PLCB4: variants seen among roughly 807,000 people sequenced by gnomAD.
The protein encoded by PLCB4 is phospholipase C beta 4, also known as 1-phosphatidylinositol 4,5-bisphosphate phosphodiesterase beta-4.
Under a neutral mutation model 178.8 loss-of-function variants are expected in PLCB4, and 77 were observed. That is an observed-to-expected ratio of 0.43 (90% CI 0.36 to 0.52). The LOEUF (loss-of-function observed/expected upper bound fraction) is 0.52, where lower values mean the gene tolerates loss of function less well. Among genes scored for constraint, PLCB4 ranks in the 20% least tolerant of loss-of-function variants. The pLI, the probability that PLCB4 is intolerant of heterozygous loss-of-function variation, is 0.00. For synonymous variants in PLCB4, 496 were observed against 490.8 expected (o/e 1.01, Z -0.14); for missense variants, 1,024 against 1,453.4 (o/e 0.70, Z 4.80).
intron 2 of PLCB4, among the ~76,000 whole-genome samples, chr20:9,187,028 G>A (rs2093338105): frequency 6.6e-6 from 1 of 152,096 alleles, no homozygotes; most frequent in African/African-American, 2.4e-5. Context: ...AGGCTGGAGT[G>A]CAGTGGCGTG....
At chr20:9,361,803 C>T (rs1439521560) in intron 7 of PLCB4, among the ~76,000 whole-genome samples, 1 of 152,202 alleles carries the variant, frequency 6.6e-6, no homozygotes, top group African/African-American at 2.4e-5. Context: ...TGCTGTCCAA[C>T]AGTCCCATCT....
chr20:9,385,432 C>CGGT (rs2037514082), intron 14 of PLCB4, among the ~76,000 whole-genome samples: 1 of 148,130 alleles, frequency 6.8e-6, no homozygotes. Context: ...CCAGACGGGG[C>CGGT]GGCCGGGCAG....
At chr20:9,457,899 A>G (rs1201265179) in intron 34 of PLCB4, among the ~76,000 whole-genome samples, 1 of 152,176 alleles carries the variant, frequency 6.6e-6, no homozygotes, top group African/African-American at 2.4e-5. Flanking sequence ...TTACATGGAA[A>G]TTTGGAATGA....
At chr20:9,459,507 A>G (rs975372856) in intron 34 of PLCB4, 128 bp from the exon 35 acceptor site, 43 of 561,412 alleles carry the variant, frequency 7.7e-5, no homozygotes, top group African/African-American at 1.3e-4. Flanking sequence ...TTTGGTGGTT[A>G]TAGGTGTCTC....
chr20:9,280,536 C>T (rs1194043163), intron 3 of PLCB4: 9 of 794,466 alleles, frequency 1.1e-5, no homozygotes, highest in Non-Finnish European at 1.1e-5. Flanking sequence ...AGTTAGCAAA[C>T]AGGAAAGCAT....
intron 2 of PLCB4, among the ~76,000 whole-genome samples, chr20:9,203,056 A>AAAAAAAAATATATATATATATATATAT (rs769628056): frequency 7.9e-6 from 1 of 126,162 alleles, no homozygotes; most frequent in African/African-American, 3.3e-5. Flanking sequence ...AAAAAAAAAA[A>AAAAAAAAATATATATATATATATATAT]ATATATATAT....
intron 1 of PLCB4, among the ~76,000 whole-genome samples, chr20:9,073,773 AG>A (rs776999489): frequency 6.6e-6 from 1 of 152,140 alleles, no homozygotes; most frequent in African/African-American, 2.4e-5. Context: ...CTGTAATCCT[AG>A]CTACTTGGAA....
chr20:9,344,481 C>A (rs2033591500), intron 7 of PLCB4, among the ~76,000 whole-genome samples: 1 of 152,118 alleles, frequency 6.6e-6, no homozygotes, highest in Non-Finnish European at 1.5e-5. Flanking sequence ...CTGTCAGTGC[C>A]CGACACTTAG....
Position 9,383,285 on chromosome 20 carries a change from A to G in PLCB4, c.854-916A>G, listed in dbSNP as rs180776364. Among the ~76,000 whole-genome samples, 34 of 152,362 alleles carry G rather than the reference A, an allele frequency of 2.2e-4. No homozygotes were observed. In the East Asian group the frequency reaches 6.4e-3, roughly 29 times the overall value. ...GGATGCTGCAGTGGCATCAGAAATT[A>G]TGTATTCTTTTACATGTAAGTCAAA... On this transcript the variant is annotated intron_variant, in intron 13 of 39. Coordinates refer to ENST00000378473, the MANE Select transcript of PLCB4 (RefSeq NM_001377142.1).
intron 2 of PLCB4, among the ~76,000 whole-genome samples, chr20:9,109,935 G>A (rs537842521): frequency 6.6e-6 from 1 of 152,092 alleles, no homozygotes; most frequent in African/African-American, 2.4e-5. Flanking sequence ...TCAGTATTGG[G>A]AGTCAAGGGT....
chr20:9,412,171 A>G (rs1376015392), intron 25 of PLCB4, among the ~76,000 whole-genome samples: 1 of 152,238 alleles, frequency 6.6e-6, no homozygotes, highest in Non-Finnish European at 1.5e-5. Flanking sequence ...ATCTGAATTC[A>G]TATTTCAGAA....
At chr20:9,453,483 C>T (rs779320240) in intron 33 of PLCB4, 21 bp downstream of exon 33, 2 of 1,350,552 alleles carry the variant, frequency 1.5e-6, no homozygotes, top group East Asian at 4.6e-5. Context: ...TTATTTCCTT[C>T]TGAAGACTTT....
rs2043272405 is a variant in PLCB4, at chr20:9,459,659, A to T, written c.3097A>T (p.Thr1033Ser). 17 of 1,609,884 alleles carry T rather than the reference A, an allele frequency of 1.1e-5. No homozygotes were observed. The highest frequency in any genetic ancestry group is 1.4e-5 in the Non-Finnish European group (16 of 1,176,432). Residue 1033 changes from threonine (T) to serine (S), a missense_variant, in exon 35 of 40, where the codon ACA becomes TCA. Transcript: ENST00000378473. The part of the protein sequence containing the change: ...SKVKEIVAQH[T>S]KEWSEMINTH... ...GGTCAAAGAGATTGTAGCACAGCAC[A>T]CAAAGGAATGGTCAGAAATGATCAA... is the stretch of plus-strand genomic sequence containing the variant.
chr20:9,126,077 T>G (rs2092106626), intron 2 of PLCB4, among the ~76,000 whole-genome samples: 1 of 152,188 alleles, frequency 6.6e-6, no homozygotes, highest in Admixed American at 6.5e-5. Context: ...CTATCCATAC[T>G]TTTTATAACT....
chr20:9,165,441 T>G (rs1462227383), intron 2 of PLCB4, among the ~76,000 whole-genome samples: 1 of 152,180 alleles, frequency 6.6e-6, no homozygotes, highest in Admixed American at 6.5e-5. Context: ...CAATATCAGC[T>G]TGGTGGATTA....
At chr20:9,334,122 C>T (rs2032094148) in intron 4 of PLCB4, among the ~76,000 whole-genome samples, 1 of 152,050 alleles carries the variant, frequency 6.6e-6, no homozygotes, top group South Asian at 2.1e-4. Flanking sequence ...GAACCAAGTC[C>T]TGAGGACTAT....
intron 2 of PLCB4, among the ~76,000 whole-genome samples, chr20:9,110,282 C>T (rs1440950148): frequency 6.6e-6 from 1 of 151,858 alleles, no homozygotes; most frequent in East Asian, 1.9e-4. Flanking sequence ...TAACAACTTA[C>T]ACTGATTAGC....
chr20:9,344,351 T>C (rs1402423329), intron 7 of PLCB4, among the ~76,000 whole-genome samples: 1 of 152,208 alleles, frequency 6.6e-6, no homozygotes, highest in Non-Finnish European at 1.5e-5. Flanking sequence ...CTCCTTTTCC[T>C]GCTCTGTGTT....
At chr20:9,379,751 G>A (rs1471786765) in intron 12 of PLCB4, among the ~76,000 whole-genome samples, 7 of 152,060 alleles carry the variant, frequency 4.6e-5, no homozygotes, top group Admixed American at 4.6e-4. Flanking sequence ...CCTGTTGTGT[G>A]GGAACTGGAA....
Sources: allele counts gnomAD v4.1 joint callset (sites outside exome capture counted in the v4.1 genomes callset), GRCh38; gene constraint gnomAD v4.1.1; transcripts MANE v1.5; gene names NCBI Gene and HGNC (gene_info 2026-07-23, HGNC 2026-07-21).